The following SLC14A2 variants were observed in gnomAD, a reference collection of about 807,000 sequenced individuals.
The protein encoded by SLC14A2 is solute carrier family 14 member 2.
Under a neutral mutation model 104.6 loss-of-function variants are expected in SLC14A2, and 91 were observed. That is an observed-to-expected ratio of 0.87 (90% CI 0.73 to 1.04). The LOEUF (loss-of-function observed/expected upper bound fraction) is 1.04, where lower values mean the gene tolerates loss of function less well. SLC14A2 is among the 50% of genes least tolerant of loss of function. The probability of loss-of-function intolerance (pLI) is 0.00; values close to 1 mark genes in which losing one functional copy is unlikely to be tolerated. For missense variants in SLC14A2, 1,189 were observed against 1,156.0 expected (o/e 1.03, Z -0.41); for synonymous variants, 476 against 466.4 (o/e 1.02, Z -0.27).
intron 2 of SLC14A2, among the ~76,000 whole-genome samples, chr18:45,490,198 T>C (rs536856283): frequency 3.0e-4 from 45 of 152,332 alleles, no homozygotes; most frequent in South Asian, 4.1e-4. Flanking sequence ...ATGAAGAAGA[T>C]GAATTTACAC....
At chr18:45,233,407 T>C (rs894647466) in intron 1 of SLC14A2, among the ~76,000 whole-genome samples, 2 of 152,196 alleles carry the variant, frequency 1.3e-5, no homozygotes, top group African/African-American at 2.4e-5. Context: ...TTGACCCTGA[T>C]GAATGTGTTG....
At chr18:45,255,119 T>C (rs2084463162) in intron 1 of SLC14A2, among the ~76,000 whole-genome samples, 1 of 152,176 alleles carries the variant, frequency 6.6e-6, no homozygotes, top group African/African-American at 2.4e-5. Context: ...CTCTCTCTTC[T>C]TTTCCCATTC....
chr18:45,434,562 C>T (rs1430416764), intron 1 of SLC14A2, among the ~76,000 whole-genome samples: 1 of 152,170 alleles, frequency 6.6e-6, no homozygotes, highest in Admixed American at 6.5e-5. Flanking sequence ...ATTTCCTGCA[C>T]AGAACCAAGA....
At chr18:45,629,871 A>T (rs1358011576) in intron 4 of SLC14A2, among the ~76,000 whole-genome samples, 1 of 152,200 alleles carries the variant, frequency 6.6e-6, no homozygotes, top group African/African-American at 2.4e-5. Flanking sequence ...TGGGTCCTAC[A>T]GTACCTAGTG....
At chr18:45,457,300 G>GC (rs1045202286) in intron 1 of SLC14A2, among the ~76,000 whole-genome samples, 3 of 152,042 alleles carry the variant, frequency 2.0e-5, no homozygotes, top group African/African-American at 7.3e-5. Flanking sequence ...GTTCCTGAAA[G>GC]CCCCCCTACC....
intron 10 of SLC14A2, among the ~76,000 whole-genome samples, chr18:45,654,364 C>T (rs752890011): frequency 2.6e-5 from 4 of 152,100 alleles, no homozygotes; most frequent in African/African-American, 4.8e-5. Flanking sequence ...CCAGAGACGC[C>T]GCCCAATCAG....
intron 1 of SLC14A2, among the ~76,000 whole-genome samples, chr18:45,454,647 T>G (rs2086912375): frequency 6.6e-6 from 1 of 152,220 alleles, no homozygotes; most frequent in Non-Finnish European, 1.5e-5. Flanking sequence ...GTCTTACATT[T>G]AAGTCTTTAA....
the SLC14A2 span, among the ~76,000 whole-genome samples, chr18:45,189,869 A>G: frequency 6.6e-6 from 1 of 151,974 alleles, no homozygotes; most frequent in African/African-American, 2.4e-5. Context: ...GTAGGCAGGC[A>G]GTCCCATCCC....
chr18:45,365,881 C>T (rs2085660859), intron 1 of SLC14A2, among the ~76,000 whole-genome samples: 1 of 151,638 alleles, frequency 6.6e-6, no homozygotes, highest in Non-Finnish European at 1.5e-5. Context: ...GAGCTGGTCT[C>T]TTATACACTT....
At chr18:45,675,709 A>ATATATATATATTT (rs57989993) in intron 18 of SLC14A2, among the ~76,000 whole-genome samples, 3 of 78,396 alleles carry the variant, frequency 3.8e-5, no homozygotes, top group African/African-American at 4.9e-5. Flanking sequence ...ATATATATAT[A>ATATATATATATTT]TTTTTTTTTT....
chr18:45,479,707 A>G (rs1385010774), intron 1 of SLC14A2, among the ~76,000 whole-genome samples: 4 of 152,320 alleles, frequency 2.6e-5, no homozygotes, highest in African/African-American at 9.6e-5. Context: ...CTTACTTCTA[A>G]AATTGGAAAA....
At chr18:45,238,354 C>T (rs918255347) in intron 1 of SLC14A2, among the ~76,000 whole-genome samples, 4 of 152,264 alleles carry the variant, frequency 2.6e-5, no homozygotes, top group African/African-American at 4.8e-5. Context: ...AGAAACAGTC[C>T]GGTCTCTGCA....
At chr18:45,194,404 T>A in the SLC14A2 span, among the ~76,000 whole-genome samples, 6 of 152,318 alleles carry the variant, frequency 3.9e-5, no homozygotes, top group East Asian at 1.2e-3. Flanking sequence ...CGGAAATAGA[T>A]GTTAGATTTT....
At chr18:45,295,605 C>T (rs982611002) in intron 1 of SLC14A2, among the ~76,000 whole-genome samples, 6 of 152,118 alleles carry the variant, frequency 3.9e-5, no homozygotes, top group Non-Finnish European at 7.4e-5. Flanking sequence ...GCACATTTCT[C>T]GGAAGCAATC....
At chr18:45,282,446 C>T (rs2084771938) in intron 1 of SLC14A2, among the ~76,000 whole-genome samples, 1 of 152,138 alleles carries the variant, frequency 6.6e-6, no homozygotes, top group Non-Finnish European at 1.5e-5. Flanking sequence ...TCTACTTTTC[C>T]ACCGCACCAA....
the SLC14A2 span, among the ~76,000 whole-genome samples, chr18:45,180,389 C>T: frequency 6.6e-6 from 1 of 151,984 alleles, no homozygotes; most frequent in Admixed American, 6.6e-5. Flanking sequence ...TAGAAATGAC[C>T]ATGCAGGTAT....
chr18:45,512,992 A>G (rs1274494249), intron 2 of SLC14A2, among the ~76,000 whole-genome samples: 1 of 152,166 alleles, frequency 6.6e-6, no homozygotes, highest in Non-Finnish European at 1.5e-5. Flanking sequence ...TCTGTTGACC[A>G]AGCTTCTGAA....
intron 2 of SLC14A2, among the ~76,000 whole-genome samples, chr18:45,525,130 GACACACAC>G (rs5824592): frequency 6.0e-5 from 9 of 149,524 alleles, no homozygotes; most frequent in East Asian, 2.0e-4. Flanking sequence ...TTTGCATATA[GACACACAC>G]ACACACACAC....
In SLC14A2 at chr18:45,672,997, C is replaced by T. The variant is rs1025033759; in HGVS notation, c.2327C>T (p.Pro776Leu). 5 of 1,614,030 alleles carry T rather than the reference C, an allele frequency of 3.1e-6. No homozygotes were observed. The highest frequency in any genetic ancestry group is 4.2e-6 in the Non-Finnish European group (5 of 1,180,008). The change falls in exon 17 of 20, where the codon CCT (proline) becomes CTT (leucine). Residue 776 changes from proline (P) to leucine (L), a missense_variant. By Grantham distance (98) the Pro-to-Leu change is moderately conservative. Transcript: ENST00000255226. Reference protein sequence around the residue: ...IFLIALFISSPLICLHAAIGS... With the variant: ...IFLIALFISSLLICLHAAIGS... Reference sequence around the variant, plus strand: ...CTCATAGCTCTGTTCATATCCTCACCTCTCATTTGCTTGCATGCAGCAATT... The same window carrying T: ...CTCATAGCTCTGTTCATATCCTCACTTCTCATTTGCTTGCATGCAGCAATT...
Sources: gnomAD v4.1 joint callset for allele counts (sites outside exome capture counted in the v4.1 genomes callset) on GRCh38, gnomAD v4.1.1 for gene constraint, MANE v1.5 for transcripts, NCBI Gene and HGNC (gene_info 2026-07-23, HGNC 2026-07-21) for gene names.